The following ARSG variants were observed in gnomAD, a reference collection of about 807,000 sequenced individuals.
ARSG encodes the protein ASG.
In ARSG, 37 loss-of-function variants were observed where a neutral mutation model predicts 50.5. The ratio of observed to expected loss-of-function variants is 0.73; its 90% confidence interval spans 0.56 to 0.96. The LOEUF is 0.96. Among genes scored for constraint, ARSG ranks in the 50% least tolerant of loss-of-function variants. The pLI is 0.00. For synonymous variants in ARSG, 225 were observed against 254.6 expected, an observed-to-expected ratio of 0.88 and a Z score of 1.11; for missense variants, 629 against 675.3, an observed-to-expected ratio of 0.93 and a Z score of 0.76.
At position 68,368,611 on chromosome 17, in the gene ARSG, G is replaced by T; in HGVS notation, c.768G>T (p.Val256=). 1.2e-6 allele frequency: 2 copies of T among 1,614,196 alleles called. No homozygotes were observed. Among genetic ancestry groups the T allele is most frequent in the South Asian group, 2.2e-5 (2 of 91,066 alleles). Residue 256 remains valine, a synonymous_variant, in exon 7 of 12, where the codon GTG becomes GTT. Coordinates refer to ENST00000621439, the MANE Select transcript of ARSG (RefSeq NM_001267727.2). ...ALAHMHVPLP[V]TQLPAAPRGR... Reference sequence around the variant, plus strand: ...CCCACATGCACGTGCCCTTACCTGTGACTCAGCTACCAGCAGCGCCACGGG... The same window carrying T: ...CCCACATGCACGTGCCCTTACCTGTTACTCAGCTACCAGCAGCGCCACGGG...
chr17:68,299,261 C>T (rs782348604), intron 1 of ARSG, among the ~76,000 whole-genome samples: 5 of 151,870 alleles, frequency 3.3e-5, no homozygotes, highest in East Asian at 1.9e-4. Flanking sequence ...CCCACCACCA[C>T]GCCCGGCTAA....
At chr17:68,366,482 A>T (rs2146666586) in intron 6 of ARSG, among the ~76,000 whole-genome samples, 1 of 152,284 alleles carries the variant, frequency 6.6e-6, no homozygotes, top group African/African-American at 2.4e-5. Flanking sequence ...ACTCAGCAGG[A>T]TGTCCTGATG....
chr17:68,344,068 C>G (rs967347893), intron 3 of ARSG, among the ~76,000 whole-genome samples: 4 of 152,246 alleles, frequency 2.6e-5, no homozygotes. Context: ...CTCACTCGAT[C>G]TTTCTGCTCT....
chr17:68,291,936 C>A (rs1555756317), intron 1 of ARSG, among the ~76,000 whole-genome samples: 1 of 151,942 alleles, frequency 6.6e-6, no homozygotes, highest in Non-Finnish European at 1.5e-5. Context: ...GCTTCGCGCC[C>A]GCCCCGGGCA....
chr17:68,265,760 T>C (rs2075147779), intron 1 of ARSG, among the ~76,000 whole-genome samples: 1 of 152,088 alleles, frequency 6.6e-6, no homozygotes, highest in Non-Finnish European at 1.5e-5. Flanking sequence ...GTTGTTTTTT[T>C]TTTTTTAACA....
rs113578641 is a variant in ARSG at position 68,349,686 on chromosome 17, C to T, written c.455-1889C>T. Among the ~76,000 whole-genome samples the T allele has an allele frequency of 9.9e-3, 1,506 of 152,216 alleles. 22 individuals carry two copies. The highest frequency in any genetic ancestry group is 0.035 in the African/African-American group (1,434 of 41,526). ...ATTACTTGAGGTCAGCAGTTTGCAA[C>T]CAGCCTGGCCAACATGCTGAAATCC... On this transcript the variant is annotated intron_variant, in intron 4 of 11. Transcript: ENST00000621439.
At chr17:68,351,709 C>T (rs571827857) in intron 5 of ARSG, 23 bp downstream of exon 5, 72 of 1,500,232 alleles carry the variant, frequency 4.8e-5, no homozygotes, top group South Asian at 2.4e-4. Context: ...GACACATTTG[C>T]GATAGGCTCC....
intron 1 of ARSG, among the ~76,000 whole-genome samples, chr17:68,303,394 G>A (rs782432072): frequency 6.6e-6 from 1 of 151,968 alleles, no homozygotes; most frequent in Non-Finnish European, 1.5e-5. Flanking sequence ...CAAAGTGCTG[G>A]GATTACAGGC....
intron 4 of ARSG, among the ~76,000 whole-genome samples, chr17:68,349,842 A>G (rs933135554): frequency 2.0e-5 from 3 of 152,214 alleles, no homozygotes; most frequent in African/African-American, 4.8e-5. Flanking sequence ...AGATCGTGCC[A>G]CTGCACTCCA....
chr17:68,351,814 A>C (rs1427312204), intron 5 of ARSG, 128 bp downstream of exon 5: 5 of 656,196 alleles, frequency 7.6e-6, no homozygotes, highest in Non-Finnish European at 1.4e-5. Context: ...TACACGGTAC[A>C]TTCTGTGCAA....
intron 9 of ARSG, 128 bp downstream of exon 9, chr17:68,385,300 A>G: frequency 1.4e-6 from 1 of 710,602 alleles, no homozygotes. Context: ...CAGGAAGGTC[A>G]TTCACCACTT....
chr17:68,350,185 C>T (rs1473376236), intron 4 of ARSG, among the ~76,000 whole-genome samples: 3 of 152,074 alleles, frequency 2.0e-5, no homozygotes, highest in South Asian at 2.1e-4. Context: ...GCAAAGCCAC[C>T]GAGGCCCCAA....
the ARSG span, among the ~76,000 whole-genome samples, chr17:68,444,248 T>G: frequency 1.3e-5 from 2 of 152,212 alleles, no homozygotes; most frequent in African/African-American, 4.8e-5. Context: ...TTTGCTGATA[T>G]GGGTCCCAGA....
At chr17:68,419,356 C>T (rs1039675405) in intron 11 of ARSG, among the ~76,000 whole-genome samples, 74 of 152,006 alleles carry the variant, frequency 4.9e-4, no homozygotes, top group Admixed American at 2.6e-3. Flanking sequence ...GTTAGGAGTT[C>T]GAGACCAGCC....
At chr17:68,329,718 G>T (rs2145989690) in intron 2 of ARSG, among the ~76,000 whole-genome samples, 1 of 152,310 alleles carries the variant, frequency 6.6e-6, no homozygotes, top group African/African-American at 2.4e-5. Flanking sequence ...AATCGCAGGG[G>T]TGTCTAATCT....
intron 6 of ARSG, among the ~76,000 whole-genome samples, chr17:68,360,031 C>CA (rs1228569964): frequency 1.3e-5 from 2 of 152,150 alleles, no homozygotes; most frequent in Non-Finnish European, 2.9e-5. Context: ...ACTCAAACGA[C>CA]ACTGTGTTCT....
chr17:68,349,432 T>C (rs2078655495), intron 4 of ARSG, among the ~76,000 whole-genome samples: 1 of 152,194 alleles, frequency 6.6e-6, no homozygotes, highest in Non-Finnish European at 1.5e-5. Flanking sequence ...CCTAAAATGT[T>C]TACTATTTGG....
intron 2 of ARSG, among the ~76,000 whole-genome samples, chr17:68,318,599 GTC>G (rs779770666): frequency 3.5e-4 from 53 of 152,348 alleles, no homozygotes; most frequent in Middle Eastern, 3.4e-3. Context: ...TGCTTGAACT[GTC>G]TGCCAGGCTG....
intron 6 of ARSG, among the ~76,000 whole-genome samples, chr17:68,359,968 GGCACGTGGAT>G (rs2079204669): frequency 6.6e-6 from 1 of 152,192 alleles, no homozygotes; most frequent in African/African-American, 2.4e-5. Context: ...TGTGCCCCAT[GGCACGTGGAT>G]GCTTCAAGGC....
Sources: allele counts gnomAD v4.1 joint callset (sites outside exome capture counted in the v4.1 genomes callset), GRCh38; gene constraint gnomAD v4.1.1; transcripts MANE v1.5; gene names NCBI Gene and HGNC (gene_info 2026-07-23, HGNC 2026-07-21).